Variants in HS3ST4 observed in about 807,000 individuals in gnomAD.
The protein encoded by HS3ST4 is heparan sulfate glucosamine 3-O-sulfotransferase 4.
Under a neutral mutation model 29.2 loss-of-function variants are expected in HS3ST4, and 17 were observed. The ratio of observed to expected loss-of-function variants is 0.58; its 90% CI spans 0.40 to 0.87. The LOEUF is 0.87. HS3ST4 is among the 40% of genes least tolerant of loss of function. The probability of loss-of-function intolerance (pLI) is 0.00; values close to 1 mark genes in which losing one functional copy is unlikely to be tolerated. For missense variants in HS3ST4, 627 were observed against 634.5 expected (o/e 0.99, Z 0.13); for synonymous variants, 314 against 285.7 (o/e 1.10, Z -1.00).
At chr16:25,774,044 G>A (rs959176645) in intron 1 of HS3ST4, among the ~76,000 whole-genome samples, 1 of 152,148 alleles carries the variant, frequency 6.6e-6, no homozygotes, top group Non-Finnish European at 1.5e-5. Flanking sequence ...CTCCTAGGAA[G>A]ACAGCAGTCC....
intron 1 of HS3ST4, among the ~76,000 whole-genome samples, chr16:25,907,489 TA>T (rs1196779504): frequency 6.6e-6 from 1 of 152,156 alleles, no homozygotes; most frequent in Non-Finnish European, 1.5e-5. Context: ...TATCTATTTC[TA>T]AAAGATATAA....
chr16:25,971,632 G>A (rs1237721966), intron 1 of HS3ST4, among the ~76,000 whole-genome samples: 1 of 152,088 alleles, frequency 6.6e-6, no homozygotes, highest in African/African-American at 2.4e-5. Flanking sequence ...ATAGTCAAGA[G>A]TACAGATTCT....
intron 1 of HS3ST4, among the ~76,000 whole-genome samples, chr16:25,914,712 A>T (rs1460892019): frequency 6.6e-6 from 1 of 151,528 alleles, no homozygotes; most frequent in Non-Finnish European, 1.5e-5. Context: ...GTCCTGTGCT[A>T]CTGGTCTTAG....
At chr16:25,718,861 G>A (rs1479979690) in intron 1 of HS3ST4, among the ~76,000 whole-genome samples, 2 of 152,226 alleles carry the variant, frequency 1.3e-5, no homozygotes, top group African/African-American at 4.8e-5. Context: ...CAGGGAGTAA[G>A]TATATGCTGA....
chr16:25,838,284 T>C (rs1372226901), intron 1 of HS3ST4, among the ~76,000 whole-genome samples: 1 of 152,146 alleles, frequency 6.6e-6, no homozygotes, highest in Non-Finnish European at 1.5e-5. Flanking sequence ...GGCTTCTTCT[T>C]ATCTTAGTTA....
At position 25,914,064 on chromosome 16, in the gene HS3ST4, C is replaced by T. The variant is rs539889541; in HGVS notation, c.734+220913C>T. ...TGTGTGTGTGGGGTGTGTGTGTGCACGGAGTGTGTGTGTGGGGGTATGATA... is the reference window on the plus strand; with the variant it reads ...TGTGTGTGTGGGGTGTGTGTGTGCATGGAGTGTGTGTGTGGGGGTATGATA... On this transcript the variant is annotated intron_variant, in intron 1 of 1. Transcript: ENST00000331351. Among the ~76,000 whole-genome samples, 305 of 119,072 alleles carry T rather than the reference C, an allele frequency of 2.6e-3. 2 individuals are homozygous for T. The highest frequency in any genetic ancestry group is 9.7e-3 in the African/African-American group (292 of 30,170). The allele number at this position is 119,072 out of a possible 152,430, so 78.1% of individuals were successfully genotyped here.
At chr16:25,718,882 G>A (rs1029493460) in intron 1 of HS3ST4, among the ~76,000 whole-genome samples, 9 of 152,188 alleles carry the variant, frequency 5.9e-5, no homozygotes, top group Non-Finnish European at 1.0e-4. Flanking sequence ...TAAGAGAAGG[G>A]GGTTTAGGAT....
chr16:25,771,424 G>A (rs1410510068), intron 1 of HS3ST4, among the ~76,000 whole-genome samples: 1 of 152,054 alleles, frequency 6.6e-6, no homozygotes, highest in African/African-American at 2.4e-5. Context: ...GCTCCCTGTT[G>A]TGGGTTTCAC....
intron 1 of HS3ST4, among the ~76,000 whole-genome samples, chr16:26,095,134 C>A (rs1898907280): frequency 6.6e-6 from 1 of 152,160 alleles, no homozygotes; most frequent in Non-Finnish European, 1.5e-5. Context: ...TAGAGACCTA[C>A]AAAGATACTT....
At chr16:25,743,243 T>G (rs923009318) in intron 1 of HS3ST4, among the ~76,000 whole-genome samples, 1 of 152,230 alleles carries the variant, frequency 6.6e-6, no homozygotes. Context: ...TTCTTATCTG[T>G]GTGACCTTGG....
At chr16:26,018,185 A>G (rs1253287536) in intron 1 of HS3ST4, among the ~76,000 whole-genome samples, 1 of 152,224 alleles carries the variant, frequency 6.6e-6, no homozygotes, top group Non-Finnish European at 1.5e-5. Context: ...TTCCCAGCAC[A>G]GGACCTCATC....
chr16:26,038,845 G>A (rs1469311023), intron 1 of HS3ST4, among the ~76,000 whole-genome samples: 1 of 151,896 alleles, frequency 6.6e-6, no homozygotes, highest in Non-Finnish European at 1.5e-5. Flanking sequence ...CACCACGCCC[G>A]GCTAATTCTT....
At chr16:25,842,856 C>T (rs1436170314) in intron 1 of HS3ST4, among the ~76,000 whole-genome samples, 1 of 152,138 alleles carries the variant, frequency 6.6e-6, no homozygotes, top group East Asian at 1.9e-4. Flanking sequence ...TATTTTGACT[C>T]TCAAAAACCT....
At chr16:25,817,585 G>GT (rs1967106410) in intron 1 of HS3ST4, among the ~76,000 whole-genome samples, 1 of 152,148 alleles carries the variant, frequency 6.6e-6, no homozygotes, top group Non-Finnish European at 1.5e-5. Flanking sequence ...CAAGATGGAT[G>GT]GTACCCAGAA....
At chr16:26,031,343 T>A (rs1482639069) in intron 1 of HS3ST4, among the ~76,000 whole-genome samples, 1 of 152,138 alleles carries the variant, frequency 6.6e-6, no homozygotes, top group Non-Finnish European at 1.5e-5. Context: ...CCAGGGATGG[T>A]CCCAGCTCAC....
chr16:25,992,278 A>G (rs1969121314), intron 1 of HS3ST4, among the ~76,000 whole-genome samples: 1 of 152,204 alleles, frequency 6.6e-6, no homozygotes, highest in South Asian at 2.1e-4. Context: ...CTTGGAAAAG[A>G]TGAAACCGAT....
chr16:25,930,425 T>C (rs1042519947), intron 1 of HS3ST4, among the ~76,000 whole-genome samples: 3 of 152,220 alleles, frequency 2.0e-5, no homozygotes. Context: ...AAGTTCCAGA[T>C]GGGGAAATGT....
chr16:26,051,869 C>T (rs998709246), intron 1 of HS3ST4, among the ~76,000 whole-genome samples: 6 of 141,258 alleles, frequency 4.2e-5, no homozygotes, highest in Non-Finnish European at 7.6e-5. Flanking sequence ...TCCTTCCCTG[C>T]CTCCCTCCCT....
chr16:25,930,321 T>G (rs1222928454), intron 1 of HS3ST4, among the ~76,000 whole-genome samples: 1 of 152,204 alleles, frequency 6.6e-6, no homozygotes, highest in Non-Finnish European at 1.5e-5. Flanking sequence ...CAGACCTCTC[T>G]AGGCCAGCCC....
Sources: gnomAD v4.1 joint callset for allele counts (sites outside exome capture counted in the v4.1 genomes callset) on GRCh38, gnomAD v4.1.1 for gene constraint, MANE v1.5 for transcripts, NCBI Gene and HGNC (gene_info 2026-07-23, HGNC 2026-07-21) for gene names.